Variants in ITIH2 observed in about 807,000 individuals in gnomAD.
ITIH2 encodes inter-alpha-trypsin inhibitor heavy chain 2, also known as inter-alpha-trypsin inhibitor heavy chain H2.
ITIH2 carries 103 observed loss-of-function variants against 104.4 expected under a neutral mutation model. The ratio of observed to expected loss-of-function variants is 0.99; its 90% CI spans 0.84 to 1.16. The LOEUF is 1.16. Among genes scored for constraint, ITIH2 ranks in the 50% most tolerant of loss-of-function variants. The pLI, the probability that ITIH2 is intolerant of heterozygous loss-of-function variation, is 0.00. For synonymous variants in ITIH2, 436 were observed against 435.4 expected (o/e 1.00, Z -0.02); for missense variants, 1,108 against 1,162.4 (o/e 0.95, Z 0.68).
rs139175474 is a variant in ITIH2 at position 7,743,745 on chromosome 10, C to T, written c.2210-337C>T. On this transcript the variant is annotated intron_variant, in intron 17 of 20. Coordinates refer to ENST00000358415, the MANE Select transcript of ITIH2 (RefSeq NM_002216.3). ...GCAGTGAGCCAAGATCACACCATTG[C>T]GCTCCAGCCTGAGTGACAGAGTAAG... Among the ~76,000 whole-genome samples the T allele has an allele frequency of 4.1e-3, 620 of 152,082 alleles. 3 individuals carry two copies. The highest frequency in any genetic ancestry group is 0.024 in the Middle Eastern group (7 of 294).
intron 5 of ITIH2, among the ~76,000 whole-genome samples, chr10:7,716,756 G>T (rs112251417): frequency 1.3e-4 from 18 of 137,664 alleles, no homozygotes; most frequent in African/African-American, 3.4e-4. Context: ...AAAAAAAAAA[G>T]AGAAACATAC....
In ITIH2 at chr10:7,707,205, G is replaced by A; in HGVS notation, c.164G>A (p.Ser55Asn). 3 of 1,602,578 alleles carry A rather than the reference G, an allele frequency of 1.9e-6. No homozygotes were observed. Among genetic ancestry groups the A allele is most frequent in the Non-Finnish European group, 2.6e-6 (3 of 1,171,148 alleles). ...TTGTCTAACTTCCTTTCACAGAGAAGCCTTCCAGGAGAATCGGAAGAAATG... is the reference window on the plus strand; with the variant it reads ...TTGTCTAACTTCCTTTCACAGAGAAACCTTCCAGGAGAATCGGAAGAAATG... ...LVAENRRYQR[S>N]LPGESEEMME... is the part of the protein sequence containing the mutation. The change falls in exon 3 of 21, where the codon AGC (serine) becomes AAC (asparagine). Residue 55 changes from serine to asparagine, a missense_variant. Coordinates refer to ENST00000358415, the MANE Select transcript of ITIH2 (RefSeq NM_002216.3).
At chr10:7,705,523 T>C (rs1304118714) in intron 2 of ITIH2, among the ~76,000 whole-genome samples, 4 of 151,760 alleles carry the variant, frequency 2.6e-5, no homozygotes, top group African/African-American at 9.7e-5. Flanking sequence ...CTGGGTAACA[T>C]AGTGAGGCTC....
intron 16 of ITIH2, among the ~76,000 whole-genome samples, chr10:7,742,385 T>C (rs1047704100): frequency 3.3e-5 from 5 of 152,164 alleles, no homozygotes; most frequent in African/African-American, 1.2e-4. Context: ...CATATTAATC[T>C]GTATGTCAAC....
intron 9 of ITIH2, among the ~76,000 whole-genome samples, chr10:7,724,570 C>CAAAA (rs374923183): frequency 7.7e-5 from 4 of 51,862 alleles, no homozygotes; most frequent in Admixed American, 6.1e-4. Flanking sequence ...AACTCCATCT[C>CAAAA]AAAAAAAAAA....
intron 5 of ITIH2, chr10:7,713,520 C>G (rs1374824194): frequency 2.3e-6 from 1 of 440,388 alleles, no homozygotes; most frequent in Admixed American, 3.9e-5. Flanking sequence ...CACTGTCTTG[C>G]AGGTAGATGG....
intron 2 of ITIH2, 132 bp downstream of exon 2, chr10:7,705,314 C>A: frequency 1.5e-6 from 1 of 683,878 alleles, no homozygotes; most frequent in Non-Finnish European, 2.6e-6. Context: ...GTCCAGACTT[C>A]TTACACCTTG....
rs747172738 is a variant in ITIH2, at chr10:7,749,168, A to G, written c.2694-19A>G. 65 of 1,613,682 alleles carry G rather than the reference A, an allele frequency of 4.0e-5. No homozygotes were observed. The highest frequency in any genetic ancestry group is 6.7e-5 in the Admixed American group (4 of 59,986). On this transcript the variant is annotated intron_variant, in intron 20 of 20. Coordinates refer to ENST00000358415, the MANE Select transcript of ITIH2 (RefSeq NM_002216.3). ...AGGTGCTCAGTCTCCCCCTAACCACATGCCTTGCTTCCTTGCAGGGGCTTA... is the reference window on the plus strand; with the variant it reads ...AGGTGCTCAGTCTCCCCCTAACCACGTGCCTTGCTTCCTTGCAGGGGCTTA...
rs1401989839 is a variant in ITIH2 at position 7,746,624 on chromosome 10, C to T, written c.2613C>T (p.Ile871=). The T allele has an allele frequency of 3.1e-6, 5 of 1,613,704 alleles. No individual in the cohort carries two copies. The highest frequency in any genetic ancestry group is 2.7e-5 in the African/African-American group (2 of 75,012). Residue 871 remains isoleucine (I), a synonymous_variant, in exon 20 of 21, where the codon ATC becomes ATT. Coordinates refer to ENST00000358415, the MANE Select transcript of ITIH2 (RefSeq NM_002216.3). ...GQFMQEPKIH[I]FNERPGKDPE... is the part of the protein sequence containing the mutation. ...TCATGCAGGAACCAAAGATACACAT[C>T]TTCAATGAGAGACCAGGAAAGGACC...
intron 5 of ITIH2, among the ~76,000 whole-genome samples, chr10:7,714,224 T>G (rs113497810): frequency 0.068 from 9,758 of 142,612 alleles, 439 homozygotes; most frequent in African/African-American, 0.13. Context: ...CAGGCTGGAG[T>G]GCAGTGGTGC....
chr10:7,740,012 C>G (rs1362278782), intron 16 of ITIH2, among the ~76,000 whole-genome samples: 1 of 152,122 alleles, frequency 6.6e-6, no homozygotes, highest in South Asian at 2.1e-4. Flanking sequence ...AGGGGGAAAC[C>G]CTGTCTGTAC....
intron 4 of ITIH2, 136 bp downstream of exon 4, chr10:7,709,327 G>T: frequency 1.4e-6 from 1 of 734,322 alleles, no homozygotes. Flanking sequence ...TGTGAGGTTG[G>T]TCCCAATAAT....
In ITIH2 at chr10:7,704,984, T is replaced by C. The variant is rs1481781880; in HGVS notation, c.85-124T>C. On this transcript the variant is annotated intron_variant, in intron 1 of 20. Transcript: ENST00000358415. Reference sequence around the variant, plus strand: ...ATACCTGACGTAAATGATGAGTTAATGGGTGTAGCAAACCAACATGGCACA... The same window carrying C: ...ATACCTGACGTAAATGATGAGTTAACGGGTGTAGCAAACCAACATGGCACA... The C allele has an allele frequency of 5.0e-6, 3 of 603,352 alleles. No homozygotes were observed. In the African/African-American group the frequency reaches 5.7e-5, roughly 11 times the overall value. The allele number at this position is 603,352 out of a possible 1,614,324, so 37.4% of individuals were successfully genotyped here.
At chr10:7,742,776 C>A (rs1351295843) in intron 16 of ITIH2, among the ~76,000 whole-genome samples, 8 of 152,198 alleles carry the variant, frequency 5.3e-5, no homozygotes, top group African/African-American at 1.9e-4. Context: ...TCTGTCTACA[C>A]ACATATTCAC....
chr10:7,744,584 T>C (rs1053973851), intron 18 of ITIH2, among the ~76,000 whole-genome samples: 4 of 152,298 alleles, frequency 2.6e-5, no homozygotes, highest in Admixed American at 2.6e-4. Context: ...CAGAGTGAGC[T>C]CCAAACGCCA....
chr10:7,728,481 A>G (rs144680023), intron 11 of ITIH2, among the ~76,000 whole-genome samples: 3,452 of 152,240 alleles, frequency 0.023, 90 homozygotes, highest in African/African-American at 0.063. Flanking sequence ...TCCCATGCTC[A>G]AGTGATCCTC....
At chr10:7,731,206 C>A (rs1216682208) in intron 12 of ITIH2, among the ~76,000 whole-genome samples, 1 of 152,150 alleles carries the variant, frequency 6.6e-6, no homozygotes, top group African/African-American at 2.4e-5. Flanking sequence ...GTCAAGCCAC[C>A]ATGCCCGACC....
intron 11 of ITIH2, among the ~76,000 whole-genome samples, chr10:7,729,124 G>A (rs1834977155): frequency 6.6e-6 from 1 of 152,132 alleles, no homozygotes; most frequent in East Asian, 1.9e-4. Context: ...GACCAGCCTG[G>A]CCAACATGGT....
intron 16 of ITIH2, among the ~76,000 whole-genome samples, chr10:7,740,529 C>T (rs1483218815): frequency 6.6e-6 from 1 of 152,194 alleles, no homozygotes; most frequent in Admixed American, 6.5e-5. Flanking sequence ...AGGGAGTGAG[C>T]TGCTTAAACT....
Sources: gnomAD v4.1 joint callset for allele counts (sites outside exome capture counted in the v4.1 genomes callset) on GRCh38, gnomAD v4.1.1 for gene constraint, MANE v1.5 for transcripts, NCBI Gene and HGNC (gene_info 2026-07-23, HGNC 2026-07-21) for gene names.